SUCLG2: variants seen among roughly 807,000 people sequenced by gnomAD.
SUCLG2 encodes succinate-CoA ligase GDP-forming subunit beta.
In SUCLG2, 42 loss-of-function variants were observed where a neutral mutation model predicts 47.9. The observed-to-expected ratio is 0.88, with a 90% confidence interval of 0.69 to 1.14. The LOEUF is 1.14. Among genes scored for constraint, SUCLG2 ranks in the 50% most tolerant of loss-of-function variants. The pLI is 0.00. For missense variants in SUCLG2, 571 were observed against 525.9 expected, an observed-to-expected ratio of 1.09 and a Z score of -0.84; for synonymous variants, 195 against 197.3, an observed-to-expected ratio of 0.99 and a Z score of 0.10.
intron 9 of SUCLG2, among the ~76,000 whole-genome samples, chr3:67,429,105 A>T (rs1461780417): frequency 6.6e-6 from 1 of 152,194 alleles, no homozygotes; most frequent in African/African-American, 2.4e-5. Context: ...AGAGAATGCC[A>T]CAAAGATACT....
chr3:67,444,109 G>C, intron 9 of SUCLG2, among the ~76,000 whole-genome samples: 2 of 94,406 alleles, frequency 2.1e-5, no homozygotes, highest in African/African-American at 3.6e-5. Flanking sequence ...GGAGGGAGGT[G>C]GGGGGGTCAG....
intron 2 of SUCLG2, among the ~76,000 whole-genome samples, chr3:67,592,450 A>G (rs140899141): frequency 1.3e-4 from 20 of 152,300 alleles, no homozygotes; most frequent in Admixed American, 5.2e-4. Context: ...CTCTCATATG[A>G]TATCTCTTCA....
At chr3:67,370,065 T>C (rs1030454283), downstream of SUCLG2, among the ~76,000 whole-genome samples, 2 of 152,190 alleles carry the variant, frequency 1.3e-5, no homozygotes, top group Non-Finnish European at 2.9e-5. Flanking sequence ...TGAATTTCAA[T>C]GTATGCGAAT....
At chr3:67,389,650 C>G (rs765109882) in intron 10 of SUCLG2, among the ~76,000 whole-genome samples, 21 of 152,018 alleles carry the variant, frequency 1.4e-4, no homozygotes, top group Non-Finnish European at 2.6e-4. Flanking sequence ...ACAATTTTCT[C>G]TACATTTAGT....
At chr3:67,548,079 C>G (rs928172856) in intron 2 of SUCLG2, among the ~76,000 whole-genome samples, 4 of 152,166 alleles carry the variant, frequency 2.6e-5, no homozygotes, top group African/African-American at 9.7e-5. Context: ...ACAGTGTTTG[C>G]TAGGAGCTTA....
intron 10 of SUCLG2, among the ~76,000 whole-genome samples, chr3:67,395,410 C>A (rs187784146): frequency 6.6e-6 from 1 of 152,106 alleles, no homozygotes; most frequent in Non-Finnish European, 1.5e-5. Flanking sequence ...CCAACAAAGA[C>A]CAAAACAGAC....
At chr3:67,398,915 G>T (rs993220335) in intron 10 of SUCLG2, among the ~76,000 whole-genome samples, 3 of 149,710 alleles carry the variant, frequency 2.0e-5, no homozygotes, top group East Asian at 2.0e-4. Context: ...GTAAACTATC[G>T]CAAGGACAAA....
chr3:67,536,827 T>C lies in SUCLG2; in HGVS notation c.227-7641A>G, dbSNP rs149616244. On this transcript the variant is annotated intron_variant, in intron 2 of 10. Coordinates refer to ENST00000307227, the MANE Select transcript of SUCLG2 (RefSeq NM_003848.4). The stretch of plus-strand genomic sequence containing the variant: ...AAGGCAATTAGGAGGGCCATCTGCT[T>C]AGGGCTCACAGAAAATCCTTTGATA... 4.4e-3 allele frequency among the ~76,000 whole-genome samples: 674 copies of C among 152,296 alleles called. 8 individuals carry two copies. In the East Asian group the frequency reaches 0.053, roughly 12 times the overall value.
At chr3:67,514,736 A>G (rs1705895529) in intron 6 of SUCLG2, among the ~76,000 whole-genome samples, 1 of 152,218 alleles carries the variant, frequency 6.6e-6, no homozygotes, top group South Asian at 2.1e-4. Context: ...AATGGAAAGG[A>G]CAAAATTATG....
chr3:67,436,705 G>A (rs918035290), intron 9 of SUCLG2, among the ~76,000 whole-genome samples: 2 of 151,982 alleles, frequency 1.3e-5, no homozygotes, highest in Non-Finnish European at 2.9e-5. Context: ...CAGTATTTTT[G>A]TATAAACATC....
At chr3:67,518,811 C>T (rs1575749995) in intron 5 of SUCLG2, among the ~76,000 whole-genome samples, 1 of 152,030 alleles carries the variant, frequency 6.6e-6, no homozygotes. Context: ...TCAAAGACAC[C>T]GAGCACTGTC....
At chr3:67,537,436 A>G (rs146448781) in intron 2 of SUCLG2, among the ~76,000 whole-genome samples, 1 of 152,178 alleles carries the variant, frequency 6.6e-6, no homozygotes, top group Non-Finnish European at 1.5e-5. Flanking sequence ...TCCATAATTT[A>G]TATGTGCCAC....
chr3:67,463,077 AG>A (rs1438766896), intron 9 of SUCLG2, among the ~76,000 whole-genome samples: 1 of 152,240 alleles, frequency 6.6e-6, no homozygotes. Context: ...ACAAAAAGCA[AG>A]TCCTATGAGT....
intron 9 of SUCLG2, among the ~76,000 whole-genome samples, chr3:67,401,307 A>G (rs1286993862): frequency 6.6e-6 from 1 of 152,198 alleles, no homozygotes; most frequent in Non-Finnish European, 1.5e-5. Context: ...AAAAGGTAAA[A>G]AAGATTCAAA....
intron 9 of SUCLG2, among the ~76,000 whole-genome samples, chr3:67,468,013 A>G (rs1704515737): frequency 6.6e-6 from 1 of 152,210 alleles, no homozygotes; most frequent in Admixed American, 6.5e-5. Context: ...AGATGCCCAA[A>G]TGAGTGCTAC....
chr3:67,495,855 AC>A lies in SUCLG2; in HGVS notation c.1004del (p.Gly335ValfsTer3), dbSNP rs1320857604. ...GKPANFLDLG[G>X]GVKEAQVYQA... ...GATATACTTGAGCTTCCTTTACACC[AC>A]CTCCAAGATCCAAGAAGTTGGCTGG... On this transcript the variant is annotated frameshift_variant, in exon 9 of 11. Coordinates refer to ENST00000307227, the MANE Select transcript of SUCLG2 (RefSeq NM_003848.4). LOFTEE classifies it high-confidence loss of function. 2.0e-5 allele frequency: 32 copies of A among 1,613,752 alleles called. No homozygotes were observed. The highest frequency in any genetic ancestry group is 2.7e-5 in the Non-Finnish European group (32 of 1,179,964).
intron 9 of SUCLG2, among the ~76,000 whole-genome samples, chr3:67,474,168 G>T (rs1181721509): frequency 6.6e-6 from 1 of 152,072 alleles, no homozygotes; most frequent in African/African-American, 2.4e-5. Context: ...GCTGAGGCAG[G>T]AGAATGGCGT....
intron 9 of SUCLG2, among the ~76,000 whole-genome samples, chr3:67,436,959 TA>T (rs1703639291): frequency 6.6e-6 from 1 of 152,176 alleles, no homozygotes; most frequent in South Asian, 2.1e-4. Flanking sequence ...TCCTTTTAAA[TA>T]TTGCCATTTT....
chr3:67,511,678 G>A (rs956971280), intron 6 of SUCLG2, among the ~76,000 whole-genome samples: 1 of 152,120 alleles, frequency 6.6e-6, no homozygotes, highest in Non-Finnish European at 1.5e-5. Context: ...GAGAACAGAC[G>A]AGTACACTCA....
Sources: allele counts gnomAD v4.1 joint callset (sites outside exome capture counted in the v4.1 genomes callset), GRCh38; gene constraint gnomAD v4.1.1; transcripts MANE v1.5; gene names NCBI Gene and HGNC (gene_info 2026-07-23, HGNC 2026-07-21).